RBFOX1: variants seen among roughly 807,000 people sequenced by gnomAD.
RBFOX1 encodes RNA binding fox-1 homolog 1.
In RBFOX1, 8 loss-of-function variants were observed where a neutral mutation model predicts 57.7. That is an observed-to-expected ratio of 0.14 (90% CI 0.08 to 0.25). The LOEUF is 0.25. Among genes scored for constraint, RBFOX1 ranks in the 10% least tolerant of loss-of-function variants. The pLI, the probability that RBFOX1 is intolerant of heterozygous loss-of-function variation, is 1.00. For missense variants in RBFOX1, 611 were observed against 548.5 expected (o/e 1.11, Z -1.14); for synonymous variants, 326 against 222.4 (o/e 1.47, Z -4.15).
chr16:6,124,588 C>A (rs1162153388), intron 1 of RBFOX1, among the ~76,000 whole-genome samples: 1 of 152,084 alleles, frequency 6.6e-6, no homozygotes, highest in African/African-American at 2.4e-5. Context: ...TTTAAACCTC[C>A]ACCTCCCAGG....
chr16:6,711,069 A>T (rs565286886), intron 3 of RBFOX1, among the ~76,000 whole-genome samples: 3 of 152,102 alleles, frequency 2.0e-5, no homozygotes, highest in Non-Finnish European at 4.4e-5. Flanking sequence ...TTAGGCCAAA[A>T]CTCTGGAGTC....
chr16:7,337,798 C>T (rs1013345486), intron 4 of RBFOX1, among the ~76,000 whole-genome samples: 7 of 152,184 alleles, frequency 4.6e-5, no homozygotes, highest in African/African-American at 1.7e-4. Flanking sequence ...GATTCTCCTG[C>T]CTCAGCCTCC....
At chr16:6,436,494 T>C (rs1346573098) in intron 2 of RBFOX1, among the ~76,000 whole-genome samples, 1 of 149,128 alleles carries the variant, frequency 6.7e-6, no homozygotes, top group East Asian at 2.0e-4. Flanking sequence ...GACAGTATCC[T>C]GCCTGGTTTT....
At chr16:7,668,966 C>T (rs754665028) in intron 13 of RBFOX1, among the ~76,000 whole-genome samples, 9 of 152,272 alleles carry the variant, frequency 5.9e-5, no homozygotes, top group East Asian at 1.9e-4. Context: ...CACAGTAGCA[C>T]GATCTCAGCT....
chr16:6,239,407 C>G (rs1229099360), intron 1 of RBFOX1, among the ~76,000 whole-genome samples: 15 of 151,126 alleles, frequency 9.9e-5, no homozygotes, highest in Admixed American at 9.9e-4. Flanking sequence ...ATCATGAATA[C>G]CCGTCCCATG....
At chr16:7,206,435 GTAT>G (rs147912116) in intron 4 of RBFOX1, among the ~76,000 whole-genome samples, 17,326 of 150,582 alleles carry the variant, frequency 0.12, 1,179 homozygotes, top group African/African-American at 0.16. Context: ...ATACATATAT[GTAT>G]TATATTTCCT....
intron 1 of RBFOX1, among the ~76,000 whole-genome samples, chr16:6,172,132 T>G (rs563006309): frequency 6.6e-6 from 1 of 152,224 alleles, no homozygotes; most frequent in South Asian, 2.1e-4. Context: ...GCTGTTTTTT[T>G]ATCATTGGTC....
At chr16:5,525,100 C>A (rs2044187047) in intron 2 of RBFOX1, among the ~76,000 whole-genome samples, 1 of 152,146 alleles carries the variant, frequency 6.6e-6, no homozygotes, top group Non-Finnish European at 1.5e-5. Context: ...GTGTCTAATG[C>A]AGGTCTCCTC....
chr16:7,102,177 C>G (rs1174915053), intron 4 of RBFOX1, among the ~76,000 whole-genome samples: 1 of 152,184 alleles, frequency 6.6e-6, no homozygotes, highest in African/African-American at 2.4e-5. Context: ...TCATCGGATT[C>G]CAGTTAAGCC....
At chr16:5,747,079 A>C (rs1238867003) in intron 3 of RBFOX1, among the ~76,000 whole-genome samples, 1 of 152,144 alleles carries the variant, frequency 6.6e-6, no homozygotes, top group Non-Finnish European at 1.5e-5. Context: ...ATTTATTGAG[A>C]GTTTTTAGCA....
intron 1 of RBFOX1, among the ~76,000 whole-genome samples, chr16:5,322,089 G>T (rs186263459): frequency 1.3e-5 from 2 of 152,206 alleles, no homozygotes; most frequent in East Asian, 3.9e-4. Flanking sequence ...AATATAACCG[G>T]GACCTGAACC....
intron 4 of RBFOX1, among the ~76,000 whole-genome samples, chr16:7,302,367 T>G (rs1345247158): frequency 2.6e-5 from 4 of 152,162 alleles, no homozygotes; most frequent in Non-Finnish European, 5.9e-5. Flanking sequence ...AAGTGAGTTG[T>G]GCCTTGCGAG....
At chr16:6,259,873 A>G (rs2097691193) in intron 1 of RBFOX1, among the ~76,000 whole-genome samples, 1 of 150,818 alleles carries the variant, frequency 6.6e-6, no homozygotes, top group African/African-American at 2.4e-5. Context: ...AGGCAGGAGA[A>G]TTGCTTGAAC....
intron 2 of RBFOX1, among the ~76,000 whole-genome samples, chr16:6,596,603 A>G (rs990456591): frequency 6.6e-6 from 1 of 152,222 alleles, no homozygotes; most frequent in Non-Finnish European, 1.5e-5. Context: ...GAACTTCAGA[A>G]TAAAAGTCTC....
intron 4 of RBFOX1, among the ~76,000 whole-genome samples, chr16:7,505,430 G>A (rs928046050): frequency 2.0e-5 from 3 of 152,178 alleles, no homozygotes; most frequent in African/African-American, 4.8e-5. Flanking sequence ...GATGCCGTTG[G>A]TTGGGAACTT....
chr16:6,085,147 G>A lies in RBFOX1; in HGVS notation c.-127+65155G>A, dbSNP rs2096065502. Among the ~76,000 whole-genome samples the A allele has an allele frequency of 2.6e-5, 4 of 152,110 alleles. No homozygotes were observed. In the South Asian group the frequency reaches 8.3e-4, roughly 32 times the overall value. On this transcript the variant is annotated intron_variant, in intron 1 of 15. Transcript: ENST00000550418. Reference sequence around the variant, plus strand: ...GGGGCTTATTTCTGCTACTGTGCATGTTCTTCCTCCACAACTTGCAGATCC... The same window carrying A: ...GGGGCTTATTTCTGCTACTGTGCATATTCTTCCTCCACAACTTGCAGATCC...
intron 1 of RBFOX1, among the ~76,000 whole-genome samples, chr16:5,299,365 T>C (rs1186113428): frequency 6.6e-6 from 1 of 152,228 alleles, no homozygotes; most frequent in Non-Finnish European, 1.5e-5. Context: ...TTGTTTCCAG[T>C]TTTGCTTATT....
At position 7,710,916 on chromosome 16, in the gene RBFOX1, C is replaced by A; in HGVS notation, c.*171C>A. 1.3e-6 allele frequency: 1 copy of A among 777,062 alleles called. No homozygotes were observed. Among genetic ancestry groups the A allele is most frequent in the Non-Finnish European group, 1.8e-6 (1 of 557,120 alleles). 48.1% of individuals were successfully genotyped at this position (777,062 alleles called of 1,614,324 possible). On this transcript the variant is annotated 3_prime_UTR_variant, in exon 16 of 16. Transcript: ENST00000550418. Reference sequence around the variant, plus strand: ...TATCTTATACCTCAGATATTTTGTTCTGTGTATTTTAATATTGTGGGTCTT... The same window carrying A: ...TATCTTATACCTCAGATATTTTGTTATGTGTATTTTAATATTGTGGGTCTT...
At chr16:6,410,358 A>G (rs1368441318) in intron 2 of RBFOX1, among the ~76,000 whole-genome samples, 2 of 118,142 alleles carry the variant, frequency 1.7e-5, no homozygotes, top group East Asian at 2.6e-4. Flanking sequence ...CCCAGGCTGG[A>G]GGGAGGGCAG....
Sources: allele counts gnomAD v4.1 joint callset (sites outside exome capture counted in the v4.1 genomes callset), GRCh38; gene constraint gnomAD v4.1.1; transcripts MANE v1.5; gene names NCBI Gene and HGNC (gene_info 2026-07-23, HGNC 2026-07-21).